The following EFCAB5 variants were observed in gnomAD, a reference collection of about 807,000 sequenced individuals.
EFCAB5 encodes EF-hand calcium binding domain 5, also known as EF-hand calcium-binding domain-containing protein 5.
Under a neutral mutation model 167.9 loss-of-function variants are expected in EFCAB5, and 131 were observed. The observed-to-expected ratio is 0.78, with a 90% confidence interval of 0.68 to 0.90. The LOEUF (loss-of-function observed/expected upper bound fraction) is 0.90, where lower values mean the gene tolerates loss of function less well. EFCAB5 is among the 40% of genes least tolerant of loss of function. The pLI, the probability that EFCAB5 is intolerant of heterozygous loss-of-function variation, is 0.00. For synonymous variants in EFCAB5, 574 were observed against 602.8 expected (o/e 0.95, Z 0.70); for missense variants, 1,663 against 1,745.2 (o/e 0.95, Z 0.84).
chr17:29,971,287 T>C (rs1050394485), intron 4 of EFCAB5, among the ~76,000 whole-genome samples: 3 of 152,138 alleles, frequency 2.0e-5, no homozygotes, highest in African/African-American at 7.2e-5. Flanking sequence ...AACATTTTAG[T>C]TGGTTTCTTG....
chr17:30,066,326 T>TC (rs1185189323), intron 14 of EFCAB5, among the ~76,000 whole-genome samples: 1 of 152,176 alleles, frequency 6.6e-6, no homozygotes, highest in Admixed American at 6.5e-5. Context: ...AACAACATGC[T>TC]CCCGAATGAG....
intron 3 of EFCAB5, among the ~76,000 whole-genome samples, chr17:29,958,891 G>A (rs1488339145): frequency 6.6e-6 from 1 of 152,196 alleles, no homozygotes; most frequent in Non-Finnish European, 1.5e-5. Flanking sequence ...AAGCCTTGTA[G>A]AGGTACTGCC....
At chr17:30,058,759 T>G (rs1347936368) in intron 13 of EFCAB5, among the ~76,000 whole-genome samples, 1 of 152,116 alleles carries the variant, frequency 6.6e-6, no homozygotes, top group African/African-American at 2.4e-5. Flanking sequence ...ATTCCAGTGC[T>G]TTGGGAGGCT....
At chr17:30,020,598 AC>A (rs1214805610) in intron 7 of EFCAB5, among the ~76,000 whole-genome samples, 1 of 151,468 alleles carries the variant, frequency 6.6e-6, no homozygotes, top group Non-Finnish European at 1.5e-5. Flanking sequence ...CAGGTGACCC[AC>A]CCGCCTCGGC....
At position 30,083,057 on chromosome 17, in the gene EFCAB5, A is replaced by G; in HGVS notation, c.3579+14A>G. 6.2e-7 allele frequency: 1 copy of G among 1,612,650 alleles called. No individual in the cohort carries two copies. Among genetic ancestry groups the G allele is most frequent in the East Asian group, 2.2e-5 (1 of 44,864 alleles). ...AGCCCAGCCCAGGTAGGCAAGGCTC[A>G]GTAGTGGTAGATCTCTCCAAGGTAG... On this transcript the variant is annotated intron_variant, in intron 18 of 22. Transcript: ENST00000394835.
At chr17:29,940,932 C>T (rs572169747), upstream of EFCAB5, among the ~76,000 whole-genome samples, 15 of 151,270 alleles carry the variant, frequency 9.9e-5, no homozygotes, top group Admixed American at 2.0e-4. Flanking sequence ...CCCAGCTACT[C>T]GGGAGGCTGA....
intron 21 of EFCAB5, among the ~76,000 whole-genome samples, 173 bp downstream of exon 21, chr17:30,092,330 A>C (rs1403163174): frequency 6.6e-6 from 1 of 152,204 alleles, no homozygotes; most frequent in Non-Finnish European, 1.5e-5. Flanking sequence ...ATGGAATCCC[A>C]AAAGCTCTCC....
At chr17:30,026,521 ATT>A (rs1322459190) in intron 7 of EFCAB5, among the ~76,000 whole-genome samples, 2 of 152,176 alleles carry the variant, frequency 1.3e-5, no homozygotes, top group Non-Finnish European at 1.5e-5. Context: ...ATAAAAGTAT[ATT>A]TGTTTTATTC....
intron 3 of EFCAB5, among the ~76,000 whole-genome samples, chr17:29,965,082 A>G (rs1417313422): frequency 1.3e-5 from 2 of 149,946 alleles, no homozygotes; most frequent in African/African-American, 4.9e-5. Flanking sequence ...TTTTTTTTTA[A>G]TTTACAGAGA....
intron 4 of EFCAB5, among the ~76,000 whole-genome samples, chr17:29,980,657 C>T (rs565157351): frequency 3.3e-5 from 5 of 152,144 alleles, no homozygotes; most frequent in Non-Finnish European, 7.4e-5. Context: ...GCTACTTGAT[C>T]TTCAAATATT....
At chr17:29,974,930 C>T (rs2068034023) in intron 4 of EFCAB5, among the ~76,000 whole-genome samples, 2 of 152,006 alleles carry the variant, frequency 1.3e-5, no homozygotes, top group Admixed American at 6.6e-5. Context: ...ATGGCTCACA[C>T]CTGTAATCCC....
chr17:29,998,845 A>G (rs1403978628), intron 6 of EFCAB5, among the ~76,000 whole-genome samples: 1 of 152,096 alleles, frequency 6.6e-6, no homozygotes, highest in Non-Finnish European at 1.5e-5. Context: ...CAATTTATGT[A>G]TTTTTCTCTT....
intron 4 of EFCAB5, among the ~76,000 whole-genome samples, chr17:29,981,177 T>G (rs2068166378): frequency 6.6e-6 from 1 of 152,204 alleles, no homozygotes; most frequent in Non-Finnish European, 1.5e-5. Context: ...TGTGAACCCT[T>G]TCAGTGGTAC....
At chr17:30,091,527 G>A (rs1301607690) in intron 20 of EFCAB5, among the ~76,000 whole-genome samples, 1 of 152,134 alleles carries the variant, frequency 6.6e-6, no homozygotes, top group African/African-American at 2.4e-5. Context: ...GCTAACCAAG[G>A]AAGTAGGGAT....
intron 22 of EFCAB5, among the ~76,000 whole-genome samples, chr17:30,099,369 G>C (rs1448716208): frequency 6.6e-6 from 1 of 152,080 alleles, no homozygotes; most frequent in Non-Finnish European, 1.5e-5. Flanking sequence ...TAAGGCTGCA[G>C]TGGGCCATGA....
chr17:30,045,822 A>T (rs2069911351), intron 8 of EFCAB5, among the ~76,000 whole-genome samples: 1 of 151,958 alleles, frequency 6.6e-6, no homozygotes, highest in African/African-American at 2.4e-5. Context: ...CAACATAGTG[A>T]GACCTGGTCT....
At chr17:30,087,856 G>C (rs990645112) in intron 19 of EFCAB5, among the ~76,000 whole-genome samples, 1 of 152,248 alleles carries the variant, frequency 6.6e-6, no homozygotes, top group East Asian at 1.9e-4. Flanking sequence ...CTAGGCCTTT[G>C]AGGAATCACC....
intron 7 of EFCAB5, among the ~76,000 whole-genome samples, chr17:30,031,510 G>T (rs2069478956): frequency 6.6e-6 from 1 of 152,146 alleles, no homozygotes; most frequent in Non-Finnish European, 1.5e-5. Flanking sequence ...CAAACACAAT[G>T]GCTGAAGAGA....
intron 7 of EFCAB5, among the ~76,000 whole-genome samples, chr17:30,023,746 T>C (rs1597685899): frequency 1.3e-5 from 2 of 152,080 alleles, no homozygotes; most frequent in Non-Finnish European, 2.9e-5. Context: ...AATTTTAGAC[T>C]AATATCCTTG....
Sources: allele counts gnomAD v4.1 joint callset (sites outside exome capture counted in the v4.1 genomes callset), GRCh38; gene constraint gnomAD v4.1.1; transcripts MANE v1.5; gene names NCBI Gene and HGNC (gene_info 2026-07-23, HGNC 2026-07-21).